Variants in ZNF469 observed in about 807,000 individuals in gnomAD.
ZNF469 encodes the protein zinc finger protein 469.
In ZNF469, 1 loss-of-function variant was observed where a neutral mutation model predicts 1.0. The observed-to-expected ratio is 1.00, with a 90% CI of 0.35 to 4.73. ZNF469 has a LOEUF of 4.73. Ranked by LOEUF, ZNF469 falls within the 30% of genes most tolerant of loss-of-function variation. ZNF469 has a pLI of 0.16. For missense variants in ZNF469, 6,100 were observed against 5,356.3 expected (o/e 1.14, Z -4.33); for synonymous variants, 2,703 against 2,363.4 (o/e 1.14, Z -4.17).
At chr16:88,226,163 A>T in the ZNF469 span, among the ~76,000 whole-genome samples, 1 of 152,098 alleles carries the variant, frequency 6.6e-6, no homozygotes, top group African/African-American at 2.4e-5. Context: ...AACGTCTTCC[A>T]CCTTGTTAAA....
At chr16:88,348,304 A>G in the ZNF469 span, among the ~76,000 whole-genome samples, 50 of 152,098 alleles carry the variant, frequency 3.3e-4, no homozygotes, top group African/African-American at 1.2e-3. Context: ...CTGGCTTCAC[A>G]CTGCTGTCTC....
the ZNF469 span, among the ~76,000 whole-genome samples, chr16:88,221,681 G>C: frequency 9.6e-4 from 146 of 152,292 alleles, no homozygotes; most frequent in African/African-American, 3.3e-3. Context: ...ACCACACACC[G>C]GGGGGCTTCA....
At chr16:88,229,727 T>C in the ZNF469 span, among the ~76,000 whole-genome samples, 1 of 152,188 alleles carries the variant, frequency 6.6e-6, no homozygotes, top group African/African-American at 2.4e-5. Flanking sequence ...GTCACGCGTG[T>C]GGATGTCATG....
intron 1 of ZNF469, among the ~76,000 whole-genome samples, chr16:88,410,864 G>GC (rs1229589566): frequency 6.6e-6 from 1 of 152,120 alleles, no homozygotes; most frequent in African/African-American, 2.4e-5. Context: ...TGTGGGCAAG[G>GC]CCACCTCCTG....
the ZNF469 span, among the ~76,000 whole-genome samples, chr16:88,343,179 C>A: frequency 6.6e-6 from 1 of 152,294 alleles, no homozygotes; most frequent in East Asian, 1.9e-4. Context: ...TCCGTGGTAG[C>A]CCACCCTGCA....
chr16:88,353,815 ACCGCCTGGGG>A, the ZNF469 span, among the ~76,000 whole-genome samples: 2 of 152,132 alleles, frequency 1.3e-5, no homozygotes, highest in Non-Finnish European at 2.9e-5. Context: ...CTCGCTGAGG[ACCGCCTGGGG>A]CCTCCGGCAG....
rs571115191 is a variant in ZNF469 at position 88,429,238 on chromosome 16, G to A, written c.1768G>A (p.Glu590Lys). 2.5e-4 allele frequency: 391 copies of A among 1,549,694 alleles called. 3 individuals carry two copies. The South Asian group carries it at 4.3e-3, about 17-fold the overall frequency. ...PPRVVGASPS[E>K]SPLPSPATNT... ...GAGGGTAGTGGGAGCCTCCCCCAGC[G>A]AGTCCCCACTGCCGTCACCGGCCAC... is the stretch of plus-strand genomic sequence containing the variant. The change falls in exon 3 of 3, where the codon GAG becomes AAG. Residue 590 changes from glutamate (E) to lysine (K), a missense_variant. Transcript: ENST00000565624.
chr16:88,112,027 T>C, the ZNF469 span, among the ~76,000 whole-genome samples: 1 of 152,222 alleles, frequency 6.6e-6, no homozygotes, highest in Admixed American at 6.5e-5. Context: ...ATCTCGTTCT[T>C]TTTTGTGGCT....
At chr16:88,419,609 C>A (rs535837079) in intron 1 of ZNF469, among the ~76,000 whole-genome samples, 1 of 152,318 alleles carries the variant, frequency 6.6e-6, no homozygotes, top group Admixed American at 6.5e-5. Flanking sequence ...CCGGCAGCCT[C>A]CCACTCCCTG....
At chr16:88,229,214 C>T in the ZNF469 span, among the ~76,000 whole-genome samples, 1 of 152,146 alleles carries the variant, frequency 6.6e-6, no homozygotes, top group Non-Finnish European at 1.5e-5. Flanking sequence ...ATATTTTTCT[C>T]GAGAAAAAAA....
intron 1 of ZNF469, among the ~76,000 whole-genome samples, chr16:88,409,884 G>A (rs1356405725): frequency 7.3e-6 from 1 of 136,624 alleles, no homozygotes; most frequent in African/African-American, 3.1e-5. Flanking sequence ...GGGGGGGGGG[G>A]CGCGGGGCGT....
the ZNF469 span, among the ~76,000 whole-genome samples, chr16:88,111,111 C>T: frequency 0.032 from 4,929 of 152,290 alleles, 133 homozygotes; most frequent in African/African-American, 0.076. Flanking sequence ...CTGTCAGGGC[C>T]CCTCCCGCAC....
chr16:88,365,851 T>C, the ZNF469 span, among the ~76,000 whole-genome samples: 1 of 152,146 alleles, frequency 6.6e-6, no homozygotes, highest in Non-Finnish European at 1.5e-5. Flanking sequence ...CCACACAAGC[T>C]ACCAGGCTGA....
At chr16:88,190,434 G>A in the ZNF469 span, among the ~76,000 whole-genome samples, 1 of 152,278 alleles carries the variant, frequency 6.6e-6, no homozygotes, top group African/African-American at 2.4e-5. Context: ...AGGACAGGTG[G>A]CGTGTTTGTG....
the ZNF469 span, among the ~76,000 whole-genome samples, chr16:88,169,474 G>C: frequency 6.6e-6 from 1 of 152,134 alleles, no homozygotes; most frequent in Non-Finnish European, 1.5e-5. This position sits in a 1 kb window ranked among gnomAD's most constrained non-coding sequence, Gnocchi z 6.1. Flanking sequence ...CATCGAGGTG[G>C]AGTTCTCCAG....
chr16:88,349,714 ACACATCCAGCAC>A, the ZNF469 span, among the ~76,000 whole-genome samples: 1 of 145,232 alleles, frequency 6.9e-6, no homozygotes, highest in Admixed American at 6.8e-5. Flanking sequence ...CCACACAAGT[ACACATCCAGCAC>A]AATACACACC....
At position 88,437,160 on chromosome 16, in the gene ZNF469, C is replaced by A; in HGVS notation, c.9690C>A (p.Ser3230Arg). 1 of 1,549,312 alleles carries A rather than the reference C, an allele frequency of 6.5e-7. No individual in the cohort carries two copies. Among genetic ancestry groups the A allele is most frequent in the Non-Finnish European group, 8.7e-7 (1 of 1,146,596 alleles). ...GCGCTGTCGCCCACCTTCTGAACAG[C>A]ATCACGGAACCCGCGCCCAAACACC... ...GSSAVAHLLN[S>R]ITEPAPKHHR... Residue 3230 changes from serine (S) to arginine (R), a missense_variant, in exon 3 of 3, where the codon AGC becomes AGA. Physicochemically the swap from Ser to Arg is moderately radical, Grantham distance 110. Coordinates refer to ENST00000565624, the MANE Select transcript of ZNF469 (RefSeq NM_001367624.2).
the ZNF469 span, chr16:88,276,585 G>A: frequency 1.3e-5 from 2 of 152,248 alleles, no homozygotes; most frequent in African/African-American, 4.8e-5. Context: ...GGTAAGGAGC[G>A]GTTTTCTCTT....
Position 88,434,548 on chromosome 16 carries a change from C to T in ZNF469, c.7078C>T (p.Pro2360Ser), listed in dbSNP as rs1362950851. ...GCCTCCCACGCTACAGGGTGCAGGG[C>T]CGGACTCCCCCGCCTGCCTGGAAGG... ...TEPPTLQGAG[P>S]DSPACLEGEM... The change falls in exon 3 of 3, where the codon CCG (proline) becomes TCG (serine). Residue 2360 changes from proline (P) to serine (S), a missense_variant. Transcript: ENST00000565624. 1 of 1,550,338 alleles carries T rather than the reference C, an allele frequency of 6.5e-7. No individual in the cohort carries two copies. The highest frequency in any genetic ancestry group is 8.7e-7 in the Non-Finnish European group (1 of 1,146,946).
Sources: gnomAD v4.1 joint callset for allele counts (sites outside exome capture counted in the v4.1 genomes callset) on GRCh38, gnomAD v4.1.1 for gene constraint, Gnocchi (gnomAD v3.1) non-coding constraint, MANE v1.5 for transcripts, NCBI Gene and HGNC (gene_info 2026-07-23, HGNC 2026-07-21) for gene names.